Variants in ARHGAP32 observed in about 807,000 individuals in gnomAD.
The protein encoded by ARHGAP32 is Rho GTPase activating protein 32.
ARHGAP32 carries 51 observed loss-of-function variants against 186.5 expected under a neutral mutation model. That is an observed-to-expected ratio of 0.27 (90% CI 0.22 to 0.35). The LOEUF (loss-of-function observed/expected upper bound fraction) is 0.35. Ranked by LOEUF, ARHGAP32 falls within the 10% of genes least tolerant of loss-of-function variation. The pLI is 1.00. For synonymous variants in ARHGAP32, 950 were observed against 964.3 expected (o/e 0.99, Z 0.27); for missense variants, 2,186 against 2,623.5 (o/e 0.83, Z 3.64).
chr11:129,109,253 A>C lies in ARHGAP32; in HGVS notation c.444+14193T>G, dbSNP rs189053406. 3.6e-3 allele frequency among the ~76,000 whole-genome samples: 552 copies of C among 152,004 alleles called. 3 individuals are homozygous for C. Among genetic ancestry groups the C allele is most frequent in the Non-Finnish European group, 6.6e-3 (451 of 67,942 alleles). ...AAATTTCATTCTTTTGTGGCCAAAT[A>C]GTATTCGATTGCATATATATATATA... On this transcript the variant is annotated intron_variant, in intron 5 of 22. Coordinates refer to ENST00000682385, the MANE Select transcript of ARHGAP32 (RefSeq NM_001378024.1).
rs747774138 is a variant in ARHGAP32 at position 129,164,361 on chromosome 11, G to C, written c.183C>G (p.His61Gln). Residue 61 changes from histidine to glutamine, a missense_variant, in exon 2 of 23, where the codon CAC (histidine) becomes CAG (glutamine). By Grantham distance (24) the His-to-Gln change is conservative. Coordinates refer to ENST00000682385, the MANE Select transcript of ARHGAP32 (RefSeq NM_001378024.1). ...CTTCCCAATCAGGCCGCTCTCGAGGGTGTACATTTCTATGTAGCTCTGGAA... is the reference window on the plus strand; with the variant it reads ...CTTCCCAATCAGGCCGCTCTCGAGGCTGTACATTTCTATGTAGCTCTGGAA... ...DFVPELHRNVHPRERPDWEET... is the reference protein window; with the variant it reads ...DFVPELHRNVQPRERPDWEET... The C allele has an allele frequency of 6.3e-7, 1 of 1,584,080 alleles. No homozygotes were observed. Among genetic ancestry groups the C allele is most frequent in the South Asian group, 1.2e-5 (1 of 86,448 alleles).
In ARHGAP32 at chr11:129,064,856, G is replaced by A; in HGVS notation, c.747C>T (p.Ala249=). Residue 249 remains alanine, a synonymous_variant, in exon 8 of 23, where the codon GCC becomes GCT. Coordinates refer to ENST00000682385, the MANE Select transcript of ARHGAP32 (RefSeq NM_001378024.1). ...IAGNKINCGP[A]LTWMEIDNKG... ...TAGGAAATACCTCCATCCAGGTAAG[G>A]GCGGGCCCACAGTTGATCTTGTTGC... 1 of 1,595,188 alleles carries A rather than the reference G, an allele frequency of 6.3e-7. No homozygotes were observed. The highest frequency in any genetic ancestry group is 1.1e-5 in the South Asian group (1 of 87,456).
intron 1 of ARHGAP32, among the ~76,000 whole-genome samples, chr11:129,230,322 A>G (rs1187620483): frequency 6.6e-6 from 1 of 152,072 alleles, no homozygotes; most frequent in Non-Finnish European, 1.5e-5. Flanking sequence ...TCCACCATCC[A>G]TGTCTTTGAG....
At chr11:129,195,200 G>A (rs919219387), upstream of ARHGAP32, among the ~76,000 whole-genome samples, 10 of 151,516 alleles carry the variant, frequency 6.6e-5, no homozygotes, top group East Asian at 5.9e-4. Flanking sequence ...GGCTGGTCTC[G>A]AACTCCTGAT....
intron 10 of ARHGAP32, among the ~76,000 whole-genome samples, chr11:129,058,413 C>T (rs1307009799): frequency 6.6e-6 from 1 of 152,104 alleles, no homozygotes; most frequent in Non-Finnish European, 1.5e-5. Context: ...ATCCTTCTAA[C>T]AGGAGTCATG....
Position 128,968,893 on chromosome 11 carries a change from A to T in ARHGAP32, c.*14T>A. ...GTCCAGCAGAGGCTGCTTCAACTCT[A>T]TTGCTCGCAGGGCTCATTCTGCATG... is the stretch of plus-strand genomic sequence containing the variant. On this transcript the variant is annotated 3_prime_UTR_variant, in exon 23 of 23. Transcript: ENST00000682385. 6.8e-7 allele frequency: 1 copy of T among 1,467,548 alleles called. No individual in the cohort carries two copies. The highest frequency in any genetic ancestry group is 1.5e-5 in the South Asian group (1 of 64,718). The allele number at this position is 1,467,548 out of a possible 1,614,324, so 90.9% of individuals were successfully genotyped here.
At chr11:129,186,302 T>G (rs1944160581) in intron 1 of ARHGAP32, among the ~76,000 whole-genome samples, 1 of 152,194 alleles carries the variant, frequency 6.6e-6, no homozygotes, top group African/African-American at 2.4e-5. Context: ...AAGGCCCACC[T>G]TGGACTCCAT....
intron 1 of ARHGAP32, among the ~76,000 whole-genome samples, chr11:129,224,439 T>G (rs1280279464): frequency 6.6e-6 from 1 of 152,118 alleles, no homozygotes; most frequent in African/African-American, 2.4e-5. Flanking sequence ...CCTTAACTTT[T>G]TCAAAATTCT....
Position 128,970,004 on chromosome 11 carries a change from C to A in ARHGAP32, c.5209G>T (p.Asp1737Tyr). 1.9e-6 allele frequency: 3 copies of A among 1,614,132 alleles called. No individual in the cohort carries two copies. The highest frequency in any genetic ancestry group is 2.5e-6 in the Non-Finnish European group (3 of 1,180,042). The change falls in exon 23 of 23, where the codon GAC becomes TAC. Residue 1737 changes from aspartate to tyrosine, a missense_variant. Around this residue, in one of 5 missense-constraint regions of ARHGAP32, gnomAD observed 1,502 missense variants for 1,570.0 expected, o/e 0.96. Transcript: ENST00000682385. The surrounding 1 kb of genome is among the most constrained non-coding windows in gnomAD (Gnocchi z 5.8). The stretch of plus-strand genomic sequence containing the variant: ...GGAGGCATGCTGACTACATTATGGT[C>A]GTTGGGAGAGAAATAGCCAGTCACG... Reference protein sequence around the residue: ...ANVTGYFSPNDHNVVSMPPAA... With the variant: ...ANVTGYFSPNYHNVVSMPPAA...
intron 2 of ARHGAP32, among the ~76,000 whole-genome samples, chr11:129,131,894 G>A (rs750754746): frequency 1.9e-4 from 29 of 152,126 alleles, no homozygotes; most frequent in Non-Finnish European, 3.1e-4. Flanking sequence ...CCTGACAGCA[G>A]CCCAAATCAG....
At chr11:129,235,935 ACACACT>A (rs1192422715) in intron 1 of ARHGAP32, among the ~76,000 whole-genome samples, 2 of 129,842 alleles carry the variant, frequency 1.5e-5, no homozygotes, top group African/African-American at 2.8e-5. Flanking sequence ...ACACACACAC[ACACACT>A]CACACACATT....
At chr11:129,092,316 G>T (rs1037809129) in intron 6 of ARHGAP32, among the ~76,000 whole-genome samples, 2 of 151,560 alleles carry the variant, frequency 1.3e-5, no homozygotes, top group East Asian at 3.9e-4. Context: ...TTAACAGTGA[G>T]AAAAAAGAGA....
intron 1 of ARHGAP32, among the ~76,000 whole-genome samples, chr11:129,243,855 T>C (rs1478930805): frequency 2.0e-5 from 3 of 152,350 alleles, no homozygotes; most frequent in African/African-American, 4.8e-5. Context: ...CGCACTTTCC[T>C]GTATTAGAGC....
chr11:129,221,493 G>C (rs1470087467), intron 1 of ARHGAP32, among the ~76,000 whole-genome samples: 2 of 66,874 alleles, frequency 3.0e-5, no homozygotes, highest in African/African-American at 1.0e-4. Context: ...GTGTGTGTGT[G>C]TGTGTGTGTG....
At chr11:129,243,829 C>G (rs1157080244) in intron 1 of ARHGAP32, among the ~76,000 whole-genome samples, 1 of 152,208 alleles carries the variant, frequency 6.6e-6, no homozygotes, top group Non-Finnish European at 1.5e-5. Flanking sequence ...TCCACCCCCA[C>G]AAGCCCAAAG....
chr11:129,277,373 A>AT (rs1945545206), intron 1 of ARHGAP32, among the ~76,000 whole-genome samples: 1 of 152,208 alleles, frequency 6.6e-6, no homozygotes, highest in African/African-American at 2.4e-5. Flanking sequence ...AACCAACATC[A>AT]AAGGCTCTAA....
chr11:129,227,164 T>C (rs1007846627), intron 1 of ARHGAP32, among the ~76,000 whole-genome samples: 4 of 152,052 alleles, frequency 2.6e-5, no homozygotes, highest in African/African-American at 7.2e-5. Context: ...TTATATACTA[T>C]TGAAATTAAG....
intron 12 of ARHGAP32, 130 bp from the exon 13 acceptor site, chr11:128,988,255 A>C: frequency 1.6e-6 from 1 of 620,776 alleles, no homozygotes; most frequent in Admixed American, 3.0e-5. Flanking sequence ...AGGAGCAAAA[A>C]TTAATCCACT....
chr11:128,976,741 T>C (rs1275508931), intron 19 of ARHGAP32, 107 bp from the exon 20 acceptor site: 7 of 920,388 alleles, frequency 7.6e-6, no homozygotes, highest in South Asian at 1.4e-5. Context: ...AGTGATTAGC[T>C]GTACATTTTG....
Sources: gnomAD v4.1 joint callset for allele counts (sites outside exome capture counted in the v4.1 genomes callset) on GRCh38, gnomAD v4.1.1 for gene constraint, gnomAD v4.1.1 regional missense constraint, Gnocchi (gnomAD v3.1) non-coding constraint, MANE v1.5 for transcripts, NCBI Gene and HGNC (gene_info 2026-07-23, HGNC 2026-07-21) for gene names.